ITGB1BP1: variants seen among roughly 807,000 people sequenced by gnomAD.
ITGB1BP1 encodes integrin beta-1-binding protein 1.
ITGB1BP1 carries 20 observed loss-of-function variants against 28.0 expected under a neutral mutation model. The ratio of observed to expected loss-of-function variants is 0.71; its 90% CI spans 0.50 to 1.04. The LOEUF is 1.04. Ranked by LOEUF, ITGB1BP1 falls within the 50% of genes least tolerant of loss-of-function variation. The probability of loss-of-function intolerance (pLI) is 0.00; values close to 1 mark genes in which losing one functional copy is unlikely to be tolerated. For synonymous variants in ITGB1BP1, 103 were observed against 89.5 expected (o/e 1.15, Z -0.85); for missense variants, 228 against 242.5 (o/e 0.94, Z 0.40).
intron 2 of ITGB1BP1, 127 bp downstream of exon 2, chr2:9,418,499 G>A: frequency 1.3e-6 from 1 of 743,316 alleles, no homozygotes; most frequent in South Asian, 1.6e-5. Flanking sequence ...AAAAGTAAAT[G>A]TTAAAACACA....
rs1677616498 is a variant in ITGB1BP1 at position 9,407,352 on chromosome 2, T to C, written c.531+97A>G. Reference sequence around the variant, plus strand: ...ACTATCCCCAGGCCAAGATATTCCATATATAATGGATTGTATTTCTTCAGC... The same window carrying C: ...ACTATCCCCAGGCCAAGATATTCCACATATAATGGATTGTATTTCTTCAGC... On this transcript the variant is annotated intron_variant, in intron 6 of 6. Transcript: ENST00000355346. 8 of 1,347,870 alleles carry C rather than the reference T, an allele frequency of 5.9e-6. No homozygotes were observed. The South Asian group carries it at 1.0e-4, about 17-fold the overall frequency. The allele number at this position is 1,347,870 out of a possible 1,614,324, so 83.5% of individuals were successfully genotyped here.
At chr2:9,409,453 G>A (rs1034723303) in intron 4 of ITGB1BP1, among the ~76,000 whole-genome samples, 12 of 152,164 alleles carry the variant, frequency 7.9e-5, no homozygotes, top group African/African-American at 2.9e-4. Context: ...ATTCTATGGT[G>A]ATATGAGAAA....
rs189930429 is a variant in ITGB1BP1 at position 9,412,128 on chromosome 2, G to A, written c.288+141C>T. ...TGCAGCTCAGCGCTCACGCACATGT[G>A]CGGTGGTGATGCGGGGACTTCAGTC... On this transcript the variant is annotated intron_variant, in intron 4 of 6. Transcript: ENST00000355346. 2.6e-4 allele frequency: 179 copies of A among 687,186 alleles called. 1 individual carries two copies. The African/African-American group carries it at 2.7e-3, about 10-fold the overall frequency. 42.6% of individuals were successfully genotyped at this position (687,186 alleles called of 1,614,324 possible).
In ITGB1BP1 at chr2:9,412,321, C is replaced by G. The variant is rs752794083; in HGVS notation, c.236G>C (p.Gly79Ala). Reference sequence around the variant, plus strand: ...GTCTAATGGCCCTTCAAGGCCTTTTCCCTCGGAGAGTTTCAGTTTCTCAAT... The same window carrying G: ...GTCTAATGGCCCTTCAAGGCCTTTTGCCTCGGAGAGTTTCAGTTTCTCAAT... ...GAIEKLKLSE[G>A]KGLEGPLDLI... The change falls in exon 4 of 7, where the codon GGA becomes GCA. Residue 79 changes from glycine (G) to alanine (A), a missense_variant. By Grantham distance (60) the Gly-to-Ala change is moderately conservative. Coordinates refer to ENST00000355346, the MANE Select transcript of ITGB1BP1 (RefSeq NM_004763.5). The G allele has an allele frequency of 1.1e-5, 18 of 1,612,368 alleles. No individual in the cohort carries two copies. The highest frequency in any genetic ancestry group is 1.4e-5 in the Non-Finnish European group (17 of 1,178,978).
chr2:9,407,087 C>T, intron 6 of ITGB1BP1, 182 bp from the exon 7 acceptor site: 1 of 617,746 alleles, frequency 1.6e-6, no homozygotes, highest in Non-Finnish European at 2.9e-6. Flanking sequence ...CCCTTTCTGC[C>T]CTCCTTCAGA....
At chr2:9,411,206 T>G (rs538940455) in intron 4 of ITGB1BP1, among the ~76,000 whole-genome samples, 1 of 152,240 alleles carries the variant, frequency 6.6e-6, no homozygotes, top group Non-Finnish European at 1.5e-5. Flanking sequence ...CTTGATTTTA[T>G]CTTTTTGAAA....
chr2:9,421,209 T>G (rs931332160), intron 1 of ITGB1BP1, among the ~76,000 whole-genome samples: 1 of 152,250 alleles, frequency 6.6e-6, no homozygotes, highest in Non-Finnish European at 1.5e-5. Flanking sequence ...AATGTGATTC[T>G]ACTGTCAGTG....
rs1480779907 is a variant in ITGB1BP1, at chr2:9,423,528, T to C, written c.-191A>G. 3.3e-5 allele frequency: 39 copies of C among 1,178,140 alleles called. No homozygotes were observed. The highest frequency in any genetic ancestry group is 1.6e-4 in the South Asian group (9 of 55,630). 73.0% of individuals were successfully genotyped at this position (1,178,140 alleles called of 1,614,324 possible). On this transcript the variant is annotated 5_prime_UTR_variant, in exon 1 of 7. Coordinates refer to ENST00000355346, the MANE Select transcript of ITGB1BP1 (RefSeq NM_004763.5). ...CCGCCGGGCCGCGCCTCCAAGACTATGCGCAGGCGCAGTCCTGACGTCCTA... is the reference window on the plus strand; with the variant it reads ...CCGCCGGGCCGCGCCTCCAAGACTACGCGCAGGCGCAGTCCTGACGTCCTA...
rs1028177765 is a variant in ITGB1BP1, at chr2:9,412,030, G to A, written c.288+239C>T. 1.0e-4 allele frequency: 41 copies of A among 396,716 alleles called. 2 individuals carry two copies. Among genetic ancestry groups the A allele is most frequent in the Admixed American group, 1.5e-4 (3 of 19,834 alleles). 24.6% of individuals were successfully genotyped at this position (396,716 alleles called of 1,614,324 possible). Reference sequence around the variant, plus strand: ...GTACTCCAGCCTGGGCAACAAAAGCGAAACTTGGTCTCAAAAAAAAAAAAA... The same window carrying A: ...GTACTCCAGCCTGGGCAACAAAAGCAAAACTTGGTCTCAAAAAAAAAAAAA... On this transcript the variant is annotated intron_variant, in intron 4 of 6. Coordinates refer to ENST00000355346, the MANE Select transcript of ITGB1BP1 (RefSeq NM_004763.5).
chr2:9,423,398 G>C lies in ITGB1BP1; in HGVS notation c.-61C>G, dbSNP rs1034105060. 5.2e-6 allele frequency: 6 copies of C among 1,143,024 alleles called. No homozygotes were observed. Among genetic ancestry groups the C allele is most frequent in the Admixed American group, 9.7e-5 (2 of 20,554 alleles). 70.8% of individuals were successfully genotyped at this position (1,143,024 alleles called of 1,614,324 possible). On this transcript the variant is annotated 5_prime_UTR_variant, in exon 1 of 7. Coordinates refer to ENST00000355346, the MANE Select transcript of ITGB1BP1 (RefSeq NM_004763.5). ...CTCGCAGCCGCGGGCCCATCCCCGGGTTGCGGACTTCGGGGTCCGCGTGGG... is the reference window on the plus strand; with the variant it reads ...CTCGCAGCCGCGGGCCCATCCCCGGCTTGCGGACTTCGGGGTCCGCGTGGG...
chr2:9,410,621 G>C (rs552817829), intron 4 of ITGB1BP1, among the ~76,000 whole-genome samples: 6 of 152,256 alleles, frequency 3.9e-5, no homozygotes, highest in African/African-American at 1.4e-4. Flanking sequence ...TGTATTTTTA[G>C]TAGAGACAGG....
chr2:9,406,916 T>TAA lies in ITGB1BP1; in HGVS notation c.532-12_532-11insTT, dbSNP rs1677476244. The TAA allele has an allele frequency of 6.3e-7, 1 of 1,598,530 alleles. No individual in the cohort carries two copies. Among genetic ancestry groups the TAA allele is most frequent in the Admixed American group, 1.7e-5 (1 of 59,982 alleles). On this transcript the variant is annotated splice_polypyrimidine_tract_variant and intron_variant, in intron 6 of 6. Coordinates refer to ENST00000355346, the MANE Select transcript of ITGB1BP1 (RefSeq NM_004763.5). ...GGCTTGTGCTTGTTCCTACATTACATGAAAGATAGAGTAAGAGCAACATTC... is the reference window on the plus strand; with the variant it reads ...GGCTTGTGCTTGTTCCTACATTACATAAGAAAGATAGAGTAAGAGCAACATTC...
At position 9,407,511 on chromosome 2, in the gene ITGB1BP1, G is replaced by T; in HGVS notation, c.469C>A (p.Leu157Met). 1 of 1,614,190 alleles carries T rather than the reference G, an allele frequency of 6.2e-7. No individual in the cohort carries two copies. Among genetic ancestry groups the T allele is most frequent in the South Asian group, 1.1e-5 (1 of 91,086 alleles). Residue 157 changes from leucine (L) to methionine (M), a missense_variant, in exon 6 of 7, where the codon CTG becomes ATG. Leu to Met is a conservative substitution (Grantham distance 15, BLOSUM62 2). Transcript: ENST00000355346. ...TCATTGCTTGCATCTGTGGTCTTCA[G>T]AGCCAGTAAGCTTTTTCCCGCCCCC... ...GLGAGKSLLALKTTDASNEEY... is the reference protein window; with the variant it reads ...GLGAGKSLLAMKTTDASNEEY...
intron 4 of ITGB1BP1, chr2:9,411,990 C>T (rs1042181110): frequency 1.8e-5 from 5 of 282,880 alleles, no homozygotes; most frequent in Non-Finnish European, 2.6e-5. Flanking sequence ...TACAGTGAGC[C>T]GAGATTGCAC....
At chr2:9,420,935 C>T (rs886930412) in intron 1 of ITGB1BP1, among the ~76,000 whole-genome samples, 4 of 152,154 alleles carry the variant, frequency 2.6e-5, no homozygotes, top group East Asian at 1.9e-4. Context: ...AAGAAGACTG[C>T]GGGTGATTGC....
chr2:9,423,190 C>G, intron 1 of ITGB1BP1, 183 bp downstream of exon 1: 1 of 1,063,836 alleles, frequency 9.4e-7, no homozygotes, highest in Non-Finnish European at 1.1e-6. Flanking sequence ...TGGTTCCAAG[C>G]TCCTCCACCC....
chr2:9,411,392 GCTC>G (rs1250575741), intron 4 of ITGB1BP1, among the ~76,000 whole-genome samples: 3 of 152,110 alleles, frequency 2.0e-5, no homozygotes, highest in Non-Finnish European at 4.4e-5. Flanking sequence ...ACCGCAACCA[GCTC>G]CTCATTTAAA....
chr2:9,412,404 T>A lies in ITGB1BP1; in HGVS notation c.153A>T (p.Gly51=). Residue 51 remains glycine, a splice_region_variant and synonymous_variant, in exon 4 of 7, where the codon GGA becomes GGT. Transcript: ENST00000355346. ...SLDTDSTKSS[G]QSNNNSDTCA... is the part of the protein sequence containing the mutation. ...AGGTATCTGAATTATTGTTGCTTTG[T>A]CCTGAAGATGAAAGAAAAGTGGTAA... 1 of 1,600,746 alleles carries A rather than the reference T, an allele frequency of 6.2e-7. No homozygotes were observed.
chr2:9,407,163 G>A (rs571388016), intron 6 of ITGB1BP1: 192 of 598,104 alleles, frequency 3.2e-4, no homozygotes, highest in Non-Finnish European at 4.6e-4. Flanking sequence ...AACAACGTTC[G>A]GAAATGGAAG....
Sources: gnomAD v4.1 joint callset for allele counts (sites outside exome capture counted in the v4.1 genomes callset) on GRCh38, gnomAD v4.1.1 for gene constraint, MANE v1.5 for transcripts, NCBI Gene and HGNC (gene_info 2026-07-23, HGNC 2026-07-21) for gene names.